The following C1orf167 variants were observed in gnomAD, a reference collection of about 807,000 sequenced individuals.
C1orf167 encodes the protein chromosome 1 open reading frame 167, also known as uncharacterized protein C1orf167.
A neutral mutation model predicts 176.5 loss-of-function variants in C1orf167; 153 were observed. The ratio of observed to expected loss-of-function variants is 0.87; its 90% CI spans 0.76 to 0.99. The LOEUF is 0.99. Ranked by LOEUF, C1orf167 falls within the 50% of genes least tolerant of loss-of-function variation. The pLI is 0.00. For missense variants in C1orf167, 1,490 were observed against 1,817.7 expected, an observed-to-expected ratio of 0.82 and a Z score of 3.28; for synonymous variants, 594 against 752.7, an observed-to-expected ratio of 0.79 and a Z score of 3.45.
At position 11,766,755 on chromosome 1, in the gene C1orf167, G is replaced by A. The variant is rs1256836427; in HGVS notation, c.969G>A (p.Lys323=). The A allele has an allele frequency of 3.1e-6, 4 of 1,289,706 alleles. No individual in the cohort carries two copies. The highest frequency in any genetic ancestry group is 4.0e-6 in the Non-Finnish European group (4 of 988,880). The allele number at this position is 1,289,706 out of a possible 1,614,324, so 79.9% of individuals were successfully genotyped here. Residue 323 remains lysine, a synonymous_variant, in exon 3 of 21, where the codon AAG becomes AAA. Coordinates refer to ENST00000688073, the MANE Select transcript of C1orf167 (RefSeq NM_001010881.2). The surrounding 1 kb of genome is among the most constrained non-coding windows in gnomAD (Gnocchi z 4.5). ...ASLSDSWAQS[K]LMSPETTLGT... is the part of the protein sequence containing the mutation. ...TCTCAGACTCTTGGGCACAAAGCAA[G>A]CTAATGTCACCTGAGACCACTTTGG...
In C1orf167 at chr1:11,766,841, G is replaced by C; in HGVS notation, c.1055G>C (p.Gly352Ala). The change falls in exon 3 of 21, where the codon GGG (glycine) becomes GCG (alanine). Residue 352 changes from glycine to alanine, a missense_variant. Physicochemically the swap from Gly to Ala is moderately conservative, Grantham distance 60 (BLOSUM62 0). Transcript: ENST00000688073. The surrounding 1 kb of genome is among the most constrained non-coding windows in gnomAD (Gnocchi z 4.5). ...EQGLPPAHPL[G>A]SGDSCSPWSQ... Reference sequence around the variant, plus strand: ...GGGCTCCCTCCTGCCCACCCCCTAGGGTCAGGGGACAGCTGCTCCCCCTGG... The same window carrying C: ...GGGCTCCCTCCTGCCCACCCCCTAGCGTCAGGGGACAGCTGCTCCCCCTGG... 7 of 1,286,616 alleles carry C rather than the reference G, an allele frequency of 5.4e-6. No homozygotes were observed. The highest frequency in any genetic ancestry group is 7.1e-6 in the Non-Finnish European group (7 of 986,726). 79.7% of individuals were successfully genotyped at this position (1,286,616 alleles called of 1,614,324 possible).
At chr1:11,778,525 C>A in intron 10 of C1orf167, 135 bp from the exon 11 acceptor site, 1 of 744,110 alleles carries the variant, frequency 1.3e-6, no homozygotes, top group Non-Finnish European at 1.9e-6. Flanking sequence ...GAACGCTAGC[C>A]CAGCGTCTGG....
Position 11,766,014 on chromosome 1 carries a change from C to T in C1orf167, c.228C>T (p.Ala76=). 1 of 1,289,740 alleles carries T rather than the reference C, an allele frequency of 7.8e-7. No homozygotes were observed. Among genetic ancestry groups the T allele is most frequent in the Non-Finnish European group, 1.0e-6 (1 of 988,816 alleles). The allele number at this position is 1,289,740 out of a possible 1,614,324, so 79.9% of individuals were successfully genotyped here. A position where few individuals can be genotyped will look rare whatever the true frequency, so the allele number is the denominator to read the frequency against. The change falls in exon 3 of 21, where the codon GCC becomes GCT. Residue 76 remains alanine (A), a synonymous_variant. Transcript: ENST00000688073. The surrounding 1 kb of genome is among the most constrained non-coding windows in gnomAD (Gnocchi z 4.5). ...QEPCRVQTNL[A]SPGPRLGLAL... is the part of the protein sequence containing the mutation. ...CCTGCCGAGTCCAGACCAACCTGGC[C>T]AGCCCTGGTCCCCGCCTGGGCCTAG...
chr1:11,782,309 G>A lies in C1orf167; in HGVS notation c.2981G>A (p.Arg994Gln), dbSNP rs551575245. 34 of 1,283,896 alleles carry A rather than the reference G, an allele frequency of 2.6e-5. No homozygotes were observed. The highest frequency in any genetic ancestry group is 2.6e-4 in the Middle Eastern group (1 of 3,882). The allele number at this position is 1,283,896 out of a possible 1,614,324, so 79.5% of individuals were successfully genotyped here. The change falls in exon 14 of 21, where the codon CGG (arginine) becomes CAG (glutamine). Residue 994 changes from arginine (R) to glutamine (Q), a missense_variant. Physicochemically the swap from Arg to Gln is conservative, Grantham distance 43. Transcript: ENST00000688073. ...GCTCATCAGAGATGCACAGTGACCC[G>A]GCCAGAGCAGCTGCTACTGCAGAGG... ...AAAHQRCTVTRPEQLLLQSYF... is the reference protein window; with the variant it reads ...AAAHQRCTVTQPEQLLLQSYF...
In C1orf167 at chr1:11,768,356, C is replaced by G. The variant is rs754177903; in HGVS notation, c.1542+81C>G. 3.4e-6 allele frequency: 4 copies of G among 1,191,608 alleles called. No individual in the cohort carries two copies. In the South Asian group the frequency reaches 5.3e-5, roughly 16 times the overall value. The allele number at this position is 1,191,608 out of a possible 1,614,324, so 73.8% of individuals were successfully genotyped here. On this transcript the variant is annotated intron_variant, in intron 5 of 20. Coordinates refer to ENST00000688073, the MANE Select transcript of C1orf167 (RefSeq NM_001010881.2). This position sits in a 1 kb window ranked among gnomAD's most constrained non-coding sequence, Gnocchi z 4.5. ...GAGGAGACTCAGTCTACGGAGAGGA[C>G]ACCCACTGGGCATAGGTGGCACCTC... is the stretch of plus-strand genomic sequence containing the variant.
intron 6 of C1orf167, among the ~76,000 whole-genome samples, chr1:11,771,000 GTA>G (rs1185295212): frequency 0.2 from 6,245 of 30,542 alleles, 189 homozygotes; most frequent in Middle Eastern, 0.29. Flanking sequence ...GTGTGTGTGT[GTA>G]TATATCACCT....
At chr1:11,769,436 G>A (rs1642946981) in intron 6 of C1orf167, among the ~76,000 whole-genome samples, 2 of 151,992 alleles carry the variant, frequency 1.3e-5, no homozygotes, top group Non-Finnish European at 2.9e-5. Context: ...CAGGCATGGG[G>A]GCATGCTTGT....
In C1orf167 at chr1:11,766,627, C is replaced by T; in HGVS notation, c.841C>T (p.His281Tyr). ...WTGGGQPFSAHPQPSQPVLAS... is the reference protein window; with the variant it reads ...WTGGGQPFSAYPQPSQPVLAS... Reference sequence around the variant, plus strand: ...CGGCGGCGGCCAGCCATTCTCCGCCCACCCCCAGCCCAGCCAGCCTGTCCT... The same window carrying T: ...CGGCGGCGGCCAGCCATTCTCCGCCTACCCCCAGCCCAGCCAGCCTGTCCT... The change falls in exon 3 of 21, where the codon CAC (histidine) becomes TAC (tyrosine). Residue 281 changes from histidine to tyrosine, a missense_variant. Physicochemically the swap from His to Tyr is moderately conservative, Grantham distance 83. Transcript: ENST00000688073. The surrounding 1 kb of genome is among the most constrained non-coding windows in gnomAD (Gnocchi z 4.5). The T allele has an allele frequency of 3.1e-6, 4 of 1,286,102 alleles. No individual in the cohort carries two copies. Among genetic ancestry groups the T allele is most frequent in the Non-Finnish European group, 4.1e-6 (4 of 986,672 alleles). The allele number at this position is 1,286,102 out of a possible 1,614,324, so 79.7% of individuals were successfully genotyped here.
chr1:11,776,811 A>G (rs4846039), intron 10 of C1orf167, among the ~76,000 whole-genome samples, 173 bp downstream of exon 10: 102,974 of 152,150 alleles, frequency 0.68, 35,672 homozygotes, highest in East Asian at 0.89. Context: ...GTGCCCAGCC[A>G]ATGTCAGGCC....
Position 11,776,633 on chromosome 1 carries a change from G to A in C1orf167, c.2334G>A (p.Trp778Ter). The change falls in exon 10 of 21, where the codon TGG becomes TGA. Residue 778 changes from tryptophan to a stop codon, truncating the protein, a stop_gained. Coordinates refer to ENST00000688073, the MANE Select transcript of C1orf167 (RefSeq NM_001010881.2). LOFTEE classifies it high-confidence loss of function. ...LWKMRLFQRQ[W>*]ANSFFQGLQQ... ...AGATGCGGCTTTTCCAGCGCCAGTG[G>A]GCCAAGTAGGTGTCCTCGAGCTTGT... is the stretch of plus-strand genomic sequence containing the variant. The A allele has an allele frequency of 8.4e-7, 1 of 1,197,466 alleles. No individual in the cohort carries two copies. The highest frequency in any genetic ancestry group is 1.5e-5 in the South Asian group (1 of 65,296). 74.2% of individuals were successfully genotyped at this position (1,197,466 alleles called of 1,614,324 possible).
rs375790693 is a variant in C1orf167 at position 11,775,643 on chromosome 1, C to G, written c.2164+33C>G. Reference sequence around the variant, plus strand: ...AGTGTTGGCTTCCGCCCCAGCAAACCGTGTCACTTAAGCCCCTTCTTCAGT... The same window carrying G: ...AGTGTTGGCTTCCGCCCCAGCAAACGGTGTCACTTAAGCCCCTTCTTCAGT... On this transcript the variant is annotated intron_variant, in intron 9 of 20. Coordinates refer to ENST00000688073, the MANE Select transcript of C1orf167 (RefSeq NM_001010881.2). The G allele has an allele frequency of 3.1e-6, 4 of 1,284,476 alleles. No homozygotes were observed. In the South Asian group the frequency reaches 3.9e-5, roughly 12 times the overall value. 79.6% of individuals were successfully genotyped at this position (1,284,476 alleles called of 1,614,324 possible).
intron 10 of C1orf167, 143 bp downstream of exon 10, chr1:11,776,781 A>G (rs1643337827): frequency 1.4e-5 from 11 of 811,478 alleles, no homozygotes; most frequent in African/African-American, 3.8e-5. Context: ...GTGGCCCTGC[A>G]CAGGGCCTGG....
In C1orf167 at chr1:11,766,132, C is replaced by A; in HGVS notation, c.346C>A (p.Arg116=). ...SLARRRQGKA[R]EFAIQQSNLS... is the part of the protein sequence containing the mutation. ...GGCCAGGAGGCGCCAAGGGAAGGCC[C>A]GAGAGTTTGCCATCCAGCAGAGCAA... Residue 116 remains arginine, a synonymous_variant, in exon 3 of 21, where the codon CGA becomes AGA. Transcript: ENST00000688073. The surrounding 1 kb of genome is among the most constrained non-coding windows in gnomAD (Gnocchi z 4.5). 2 of 1,289,816 alleles carry A rather than the reference C, an allele frequency of 1.6e-6. No homozygotes were observed. The highest frequency in any genetic ancestry group is 2.0e-6 in the Non-Finnish European group (2 of 988,862). 79.9% of individuals were successfully genotyped at this position (1,289,816 alleles called of 1,614,324 possible). A position where few individuals can be genotyped will look rare whatever the true frequency, so the allele number is the denominator to read the frequency against.
chr1:11,778,363 G>T, intron 10 of C1orf167: 1 of 165,378 alleles, frequency 6.0e-6, no homozygotes, highest in Non-Finnish European at 1.3e-5. Flanking sequence ...AGGTCACTCA[G>T]AGAACCCCAG....
At chr1:11,764,055 G>A (rs1016984683) in intron 1 of C1orf167, among the ~76,000 whole-genome samples, 5 of 152,182 alleles carry the variant, frequency 3.3e-5, no homozygotes, top group African/African-American at 1.2e-4. Flanking sequence ...GCGTGGAGGA[G>A]GTCGCTGGAC....
At chr1:11,764,309 G>A (rs1016092705) in intron 1 of C1orf167, 22 bp from the exon 2 acceptor site, 9 of 1,039,182 alleles carry the variant, frequency 8.7e-6, no homozygotes, top group Non-Finnish European at 1.2e-5. Flanking sequence ...GAGAGCCAGG[G>A]CAACCTGTCC....
At chr1:11,769,911 C>T (rs967171353) in intron 6 of C1orf167, among the ~76,000 whole-genome samples, 7 of 152,086 alleles carry the variant, frequency 4.6e-5, no homozygotes, top group Non-Finnish European at 1.0e-4. Context: ...CTGCCTCGGC[C>T]TCCCAAAGAG....
chr1:11,787,514 G>A (rs1267407832), intron 17 of C1orf167, 21 bp downstream of exon 17: 1 of 1,284,336 alleles, frequency 7.8e-7, no homozygotes, highest in East Asian at 5.6e-5. Context: ...CTTGCCCCGG[G>A]GGACAAACGG....
intron 2 of C1orf167, among the ~76,000 whole-genome samples, chr1:11,764,874 G>A (rs1347860221): frequency 2.0e-5 from 3 of 152,054 alleles, no homozygotes; most frequent in African/African-American, 7.2e-5. Flanking sequence ...GGCCAATGTG[G>A]TGAAACTGCG....
Sources: gnomAD v4.1 joint callset for allele counts (sites outside exome capture counted in the v4.1 genomes callset) on GRCh38, gnomAD v4.1.1 for gene constraint, Gnocchi (gnomAD v3.1) non-coding constraint, MANE v1.5 for transcripts, NCBI Gene and HGNC (gene_info 2026-07-23, HGNC 2026-07-21) for gene names.